The following KYNU variants were observed in gnomAD, a reference collection of about 807,000 sequenced individuals.
KYNU encodes kynureninase, also known as L-kynurenine hydrolase.
Under a neutral mutation model 59.2 loss-of-function variants are expected in KYNU, and 54 were observed. That is an observed-to-expected ratio of 0.91 (90% CI 0.73 to 1.14). KYNU has a LOEUF of 1.14. KYNU is among the 50% of genes most tolerant of loss of function. KYNU has a pLI of 0.00. For synonymous variants in KYNU, 177 were observed against 192.0 expected, an observed-to-expected ratio of 0.92 and a Z score of 0.65; for missense variants, 567 against 554.4, an observed-to-expected ratio of 1.02 and a Z score of -0.23.
intron 8 of KYNU, among the ~76,000 whole-genome samples, chr2:142,976,256 A>G (rs1684876148): frequency 6.6e-6 from 1 of 152,162 alleles, no homozygotes; most frequent in South Asian, 2.1e-4. Context: ...GTTACTTGTG[A>G]TTAACATTTC....
chr2:142,931,167 C>T (rs983256393), intron 4 of KYNU, among the ~76,000 whole-genome samples: 2 of 152,206 alleles, frequency 1.3e-5, no homozygotes, highest in Non-Finnish European at 2.9e-5. Context: ...AGTAGCCTTG[C>T]GCCTTCGTAC....
At chr2:142,932,516 A>C (rs1683256237) in intron 4 of KYNU, among the ~76,000 whole-genome samples, 1 of 152,182 alleles carries the variant, frequency 6.6e-6, no homozygotes, top group African/African-American at 2.4e-5. Flanking sequence ...GGAGCCTGAT[A>C]GCTTGAAGGA....
At chr2:143,002,495 T>G (rs529652704) in intron 10 of KYNU, among the ~76,000 whole-genome samples, 1 of 152,362 alleles carries the variant, frequency 6.6e-6, no homozygotes, top group East Asian at 1.9e-4. Context: ...ACGCTAGGTC[T>G]TTGATGTTTC....
intron 4 of KYNU, 123 bp downstream of exon 4, chr2:142,927,864 T>C: frequency 2.8e-6 from 2 of 712,772 alleles, no homozygotes; most frequent in Non-Finnish European, 4.9e-6. Flanking sequence ...TTTTAATCTA[T>C]AATAGTAAAA....
At chr2:142,952,374 G>A (rs1684020221) in intron 4 of KYNU, among the ~76,000 whole-genome samples, 1 of 151,900 alleles carries the variant, frequency 6.6e-6, no homozygotes. Context: ...ATCATGCCCA[G>A]CCTATATCCA....
chr2:143,016,149 T>G (rs1045341264), intron 10 of KYNU, among the ~76,000 whole-genome samples: 41 of 152,234 alleles, frequency 2.7e-4, no homozygotes, highest in African/African-American at 9.9e-4. Context: ...TCTGAGGCTT[T>G]GAAAAGTGAA....
At chr2:143,012,547 G>T (rs1398725535) in intron 10 of KYNU, among the ~76,000 whole-genome samples, 3 of 151,162 alleles carry the variant, frequency 2.0e-5, no homozygotes, top group African/African-American at 7.3e-5. Flanking sequence ...AGGCCCATGT[G>T]TCATTTCCCA....
At chr2:143,035,762 T>G (rs1226140380) in intron 12 of KYNU, among the ~76,000 whole-genome samples, 1 of 152,062 alleles carries the variant, frequency 6.6e-6, no homozygotes, top group South Asian at 2.1e-4. Flanking sequence ...TGGCTGATTA[T>G]TATTATTTAT....
At chr2:143,027,816 A>C (rs577689990) in intron 10 of KYNU, among the ~76,000 whole-genome samples, 1 of 152,274 alleles carries the variant, frequency 6.6e-6, no homozygotes, top group South Asian at 2.1e-4. Flanking sequence ...AAGAGGTGAT[A>C]ATTGTGACAT....
chr2:142,921,567 G>C (rs1156943898), intron 3 of KYNU, among the ~76,000 whole-genome samples: 1 of 152,188 alleles, frequency 6.6e-6, no homozygotes, highest in Non-Finnish European at 1.5e-5. Context: ...CAGCACTTTG[G>C]GAGGCTGAGG....
intron 4 of KYNU, among the ~76,000 whole-genome samples, chr2:142,937,630 A>C (rs538588220): frequency 3.5e-4 from 54 of 152,338 alleles, no homozygotes; most frequent in Middle Eastern, 3.4e-3. Context: ...GTGGACAGAG[A>C]AAGTAAAGTG....
intron 2 of KYNU, among the ~76,000 whole-genome samples, chr2:142,895,132 T>C (rs898933614): frequency 1.3e-5 from 2 of 152,230 alleles, no homozygotes; most frequent in African/African-American, 4.8e-5. Context: ...TTATTGATAT[T>C]GTTAATATTT....
chr2:142,995,423 A>G (rs917376686), intron 10 of KYNU, among the ~76,000 whole-genome samples: 3 of 152,130 alleles, frequency 2.0e-5, no homozygotes, highest in Non-Finnish European at 4.4e-5. Context: ...GGGTGGGCAA[A>G]TGAGAAGAAA....
chr2:143,026,828 C>T (rs1453251335), intron 10 of KYNU, among the ~76,000 whole-genome samples: 2 of 152,202 alleles, frequency 1.3e-5, no homozygotes, highest in African/African-American at 4.8e-5. Flanking sequence ...CTTCCACCAG[C>T]CAGGGTGAAG....
chr2:142,920,618 G>C (rs770192525), intron 3 of KYNU, among the ~76,000 whole-genome samples: 2 of 152,152 alleles, frequency 1.3e-5, no homozygotes, highest in Non-Finnish European at 2.9e-5. Context: ...TGTGATGATG[G>C]AAAATTTCAT....
chr2:142,929,534 C>G (rs892288635), intron 4 of KYNU, among the ~76,000 whole-genome samples: 11 of 152,084 alleles, frequency 7.2e-5, no homozygotes, highest in Non-Finnish European at 1.6e-4. Context: ...TATGAGTGGT[C>G]ATGACCCAAG....
intron 10 of KYNU, among the ~76,000 whole-genome samples, chr2:142,996,272 A>T (rs1462617630): frequency 6.6e-6 from 1 of 152,164 alleles, no homozygotes; most frequent in Non-Finnish European, 1.5e-5. Context: ...CTGATGATAG[A>T]TGAATAGAGC....
intron 2 of KYNU, among the ~76,000 whole-genome samples, chr2:142,899,571 T>C (rs1682000069): frequency 6.6e-6 from 1 of 152,156 alleles, no homozygotes; most frequent in African/African-American, 2.4e-5. Flanking sequence ...CCTGCTGAAT[T>C]GGGGCATAGT....
intron 8 of KYNU, among the ~76,000 whole-genome samples, chr2:142,979,659 C>G (rs963016045): frequency 2.0e-5 from 3 of 151,882 alleles, no homozygotes; most frequent in African/African-American, 7.3e-5. Flanking sequence ...TTAGTCATAC[C>G]CAGGAGGGCT....
Sources: gnomAD v4.1 joint callset for allele counts (sites outside exome capture counted in the v4.1 genomes callset) on GRCh38, gnomAD v4.1.1 for gene constraint, MANE v1.5 for transcripts, NCBI Gene and HGNC (gene_info 2026-07-23, HGNC 2026-07-21) for gene names.